The following NELL1 variants were observed in gnomAD, a reference collection of about 807,000 sequenced individuals.
NELL1 encodes the protein neural EGFL like 1.
A neutral mutation model predicts 107.4 loss-of-function variants in NELL1; 76 were observed. That is an observed-to-expected ratio of 0.71 (90% CI 0.59 to 0.86). The LOEUF (loss-of-function observed/expected upper bound fraction) is 0.86, where lower values mean the gene tolerates loss of function less well. Ranked by LOEUF, NELL1 falls within the 40% of genes least tolerant of loss-of-function variation. The pLI, the probability that NELL1 is intolerant of heterozygous loss-of-function variation, is 0.00. For missense variants in NELL1, 1,024 were observed against 1,005.5 expected (o/e 1.02, Z -0.25); for synonymous variants, 353 against 341.2 (o/e 1.03, Z -0.38).
chr11:21,172,543 T>C lies in NELL1; in HGVS notation c.1427-56789T>C, dbSNP rs776392627. ...AGAAAATAGCCATTATTCCAGGTATTATCCCCAAAATAGTTTTGTTTACAT... is the reference window on the plus strand; with the variant it reads ...AGAAAATAGCCATTATTCCAGGTATCATCCCCAAAATAGTTTTGTTTACAT... On this transcript the variant is annotated intron_variant, in intron 13 of 19. Coordinates refer to ENST00000357134, the MANE Select transcript of NELL1 (RefSeq NM_006157.5). Among the ~76,000 whole-genome samples, 82 of 151,898 alleles carry C rather than the reference T, an allele frequency of 5.4e-4. 2 individuals carry two copies. Among genetic ancestry groups the C allele is most frequent in the African/African-American group, 1.5e-4 (6 of 41,226 alleles).
At chr11:21,196,183 T>C (rs1857147540) in intron 13 of NELL1, among the ~76,000 whole-genome samples, 1 of 152,168 alleles carries the variant, frequency 6.6e-6, no homozygotes, top group African/African-American at 2.4e-5. Context: ...GTTTTGGCCC[T>C]AGTCCATAAT....
In NELL1 at chr11:20,677,914, C is replaced by T. The variant is rs368168631; in HGVS notation, c.56-18C>T. 2 of 1,613,570 alleles carry T rather than the reference C, an allele frequency of 1.2e-6. No homozygotes were observed. The highest frequency in any genetic ancestry group is 1.7e-6 in the Non-Finnish European group (2 of 1,179,638). ...CAGTCTGCATTTTAAGCCCAAACAA[C>T]TCTTTGTTCCTTTCCAGTGGTGGGC... On this transcript the variant is annotated intron_variant, in intron 1 of 19. Transcript: ENST00000357134.
intron 2 of NELL1, chr11:20,770,743 T>C (rs1856623420): frequency 6.6e-6 from 1 of 152,216 alleles, no homozygotes; most frequent in Admixed American, 6.5e-5. Flanking sequence ...CTCTGAATTA[T>C]TATTCCTGTC....
chr11:20,777,679 C>T (rs192833378), intron 2 of NELL1, among the ~76,000 whole-genome samples: 1 of 152,300 alleles, frequency 6.6e-6, no homozygotes, highest in East Asian at 1.9e-4. Context: ...CCATTCTTAC[C>T]ATGAGCTTAT....
At chr11:20,850,752 G>A (rs1480525627) in intron 4 of NELL1, among the ~76,000 whole-genome samples, 1 of 152,128 alleles carries the variant, frequency 6.6e-6, no homozygotes, top group Admixed American at 6.6e-5. Flanking sequence ...GGAAAGATGT[G>A]AAATCTAATT....
At chr11:20,859,150 C>T (rs1223955319) in intron 4 of NELL1, among the ~76,000 whole-genome samples, 1 of 152,192 alleles carries the variant, frequency 6.6e-6, no homozygotes, top group East Asian at 1.9e-4. Context: ...TCTGCACCAC[C>T]CTTCCAACAG....
At chr11:21,431,169 C>A (rs111519128) in intron 15 of NELL1, among the ~76,000 whole-genome samples, 1 of 151,326 alleles carries the variant, frequency 6.6e-6, no homozygotes, top group African/African-American at 2.4e-5. Flanking sequence ...CTCACTTCCT[C>A]CCTTCTCTCA....
At chr11:21,558,942 T>A (rs1456627707) in intron 16 of NELL1, among the ~76,000 whole-genome samples, 1 of 152,026 alleles carries the variant, frequency 6.6e-6, no homozygotes, top group Non-Finnish European at 1.5e-5. Context: ...GCATGACTAG[T>A]AACAGTGAGG....
intron 5 of NELL1, among the ~76,000 whole-genome samples, chr11:20,915,244 T>C (rs2134154242): frequency 6.6e-6 from 1 of 152,048 alleles, no homozygotes; most frequent in South Asian, 2.1e-4. Context: ...TTTTAATGAG[T>C]AAATGCTCTT....
chr11:21,224,186 A>G (rs887582898), intron 13 of NELL1, among the ~76,000 whole-genome samples: 16 of 152,100 alleles, frequency 1.1e-4, no homozygotes, highest in Non-Finnish European at 1.8e-4. Flanking sequence ...AGCTTTCTAA[A>G]TCTGGATGGT....
At chr11:20,768,874 C>T (rs748752926) in intron 2 of NELL1, among the ~76,000 whole-genome samples, 9 of 152,164 alleles carry the variant, frequency 5.9e-5, no homozygotes, top group Non-Finnish European at 8.8e-5. Flanking sequence ...GACATCTGAC[C>T]TCCAGAACTG....
At chr11:20,832,741 A>G (rs1564927132) in intron 3 of NELL1, among the ~76,000 whole-genome samples, 1 of 152,212 alleles carries the variant, frequency 6.6e-6, no homozygotes, top group Non-Finnish European at 1.5e-5. Context: ...GCTGACATTT[A>G]TTGAGTTCTT....
chr11:21,533,086 T>C (rs1241643533), intron 15 of NELL1, among the ~76,000 whole-genome samples: 4 of 152,168 alleles, frequency 2.6e-5, no homozygotes, highest in Admixed American at 1.3e-4. Context: ...GGATGATGTA[T>C]GTGAAAAGAT....
chr11:20,978,313 G>A (rs1851681082), intron 12 of NELL1, among the ~76,000 whole-genome samples: 1 of 152,074 alleles, frequency 6.6e-6, no homozygotes, highest in East Asian at 1.9e-4. Context: ...GCGAAGCTAG[G>A]TATTACTATT....
intron 13 of NELL1, among the ~76,000 whole-genome samples, chr11:21,153,488 A>G (rs764861770): frequency 3.3e-5 from 5 of 152,180 alleles, no homozygotes; most frequent in Non-Finnish European, 7.3e-5. Flanking sequence ...TGTACTAGGC[A>G]CTGGGGATGC....
intron 17 of NELL1, among the ~76,000 whole-genome samples, chr11:21,568,584 C>T (rs1428357201): frequency 6.6e-6 from 1 of 151,784 alleles, no homozygotes; most frequent in Non-Finnish European, 1.5e-5. Flanking sequence ...TACAGCAGTA[C>T]AAAATACTTT....
At chr11:20,911,930 C>T (rs376987060) in intron 5 of NELL1, among the ~76,000 whole-genome samples, 8 of 152,226 alleles carry the variant, frequency 5.3e-5, no homozygotes, top group African/African-American at 1.9e-4. Flanking sequence ...CAAAAATCTC[C>T]CTGAAAAAGA....
chr11:20,727,110 C>G (rs995551991), intron 2 of NELL1, among the ~76,000 whole-genome samples: 41 of 152,036 alleles, frequency 2.7e-4, no homozygotes, highest in African/African-American at 9.2e-4. Context: ...GGGTATATAC[C>G]CAGTAATGGG....
At chr11:21,086,494 T>C (rs1048130190) in intron 12 of NELL1, among the ~76,000 whole-genome samples, 1 of 152,126 alleles carries the variant, frequency 6.6e-6, no homozygotes, top group Non-Finnish European at 1.5e-5. Context: ...AAGATAAAAT[T>C]TGGGCTGAGT....
Sources: gnomAD v4.1 joint callset for allele counts (sites outside exome capture counted in the v4.1 genomes callset) on GRCh38, gnomAD v4.1.1 for gene constraint, MANE v1.5 for transcripts, NCBI Gene and HGNC (gene_info 2026-07-23, HGNC 2026-07-21) for gene names.